SPTB: variants seen among roughly 807,000 people sequenced by gnomAD.
SPTB encodes spectrin beta chain, erythrocytic.
SPTB carries 45 observed loss-of-function variants against 256.2 expected under a neutral mutation model. That is an observed-to-expected ratio of 0.18 (90% CI 0.14 to 0.23). The LOEUF is 0.23. Among genes scored for constraint, SPTB ranks in the 10% least tolerant of loss-of-function variants. The pLI is 1.00. For synonymous variants in SPTB, 1,231 were observed against 1,243.1 expected (o/e 0.99, Z 0.21); for missense variants, 2,715 against 3,040.4 (o/e 0.89, Z 2.52).
At chr14:64,753,928 G>T in intron 32 of SPTB, 135 bp from the exon 33 acceptor site, 1 of 1,165,052 alleles carries the variant, frequency 8.6e-7, no homozygotes. Flanking sequence ...CCCACCTCCT[G>T]GCCCACCCTG....
chr14:64,794,535 T>C lies in SPTB; in HGVS notation c.1727A>G (p.Asp576Gly). ...CACTTTGTCCCCTTGGATGGCGATG[T>C]CAGCTTCCATCAACTTGTGCTTCTG... The part of the protein sequence containing the change: ...LLQKHKLMEA[D>G]IAIQGDKVKA... The change falls in exon 13 of 36, where the codon GAC becomes GGC. Residue 576 changes from aspartate to glycine, a missense_variant. Physicochemically the swap from Asp to Gly is moderately conservative, Grantham distance 94. This residue lies in a region of SPTB where 2,239 missense variants were observed against 2,384.4 expected (regional missense o/e 0.94). Coordinates refer to ENST00000644917, the MANE Select transcript of SPTB (RefSeq NM_001355436.2). 6.2e-7 allele frequency: 1 copy of C among 1,614,250 alleles called. No homozygotes were observed. The highest frequency in any genetic ancestry group is 8.5e-7 in the Non-Finnish European group (1 of 1,180,040).
At chr14:64,783,098 G>A (rs892834397) in intron 19 of SPTB, among the ~76,000 whole-genome samples, 9 of 152,138 alleles carry the variant, frequency 5.9e-5, no homozygotes, top group Admixed American at 1.3e-4. Context: ...GACCTCCTTC[G>A]GTTACTGAGG....
At position 64,749,779 on chromosome 14, in the gene SPTB, C is replaced by A. The variant is rs2081915519; in HGVS notation, c.6777-83G>T. ...AGGGCTGGCTCTGATCCCACAATACCCTGAGCCGAACATCCAGACCCCTCT... is the reference window on the plus strand; with the variant it reads ...AGGGCTGGCTCTGATCCCACAATACACTGAGCCGAACATCCAGACCCCTCT... On this transcript the variant is annotated intron_variant, in intron 34 of 35. Transcript: ENST00000644917. This position sits in a 1 kb window ranked among gnomAD's most constrained non-coding sequence, Gnocchi z 4.7. The A allele has an allele frequency of 1.3e-6, 2 of 1,559,246 alleles. No homozygotes were observed. Among genetic ancestry groups the A allele is most frequent in the East Asian group, 2.3e-5 (1 of 42,770 alleles).
intron 1 of SPTB, among the ~76,000 whole-genome samples, chr14:64,874,081 A>C (rs940622408): frequency 3.3e-5 from 5 of 152,178 alleles, no homozygotes; most frequent in African/African-American, 1.2e-4. Context: ...CCAGTGGCTC[A>C]AACTTCTTCA....
Position 64,754,034 on chromosome 14 carries a change from A to G in SPTB, c.6346-241T>C, listed in dbSNP as rs192446869. 55 of 617,788 alleles carry G rather than the reference A, an allele frequency of 8.9e-5. No homozygotes were observed. The African/African-American group carries it at 9.0e-4, about 10-fold the overall frequency. The allele number at this position is 617,788 out of a possible 1,614,324, so 38.3% of individuals were successfully genotyped here. A position where few individuals can be genotyped will look rare whatever the true frequency, so the allele number is the denominator to read the frequency against. On this transcript the variant is annotated intron_variant, in intron 32 of 35. Coordinates refer to ENST00000644917, the MANE Select transcript of SPTB (RefSeq NM_001355436.2). Reference sequence around the variant, plus strand: ...CCCCATTCTCCCTTCAGAGAGCTGCAGGGTGGCCCCCTCTCTCCAATGTAA... The same window carrying G: ...CCCCATTCTCCCTTCAGAGAGCTGCGGGGTGGCCCCCTCTCTCCAATGTAA...
At chr14:64,808,855 G>A (rs910286418) in intron 2 of SPTB, among the ~76,000 whole-genome samples, 2 of 152,100 alleles carry the variant, frequency 1.3e-5, no homozygotes, top group Non-Finnish European at 2.9e-5. Context: ...GGAAGAGAGA[G>A]GTCATTTCCA....
Position 64,786,757 on chromosome 14 carries a change from G to A in SPTB, c.3208C>T (p.Leu1070=). The part of the protein sequence containing the change: ...VSQLQAFLQD[L]DDFQAWLSIT... ...GAGAGCCAGGCCTGGAAGTCATCCAGATCCTGCAGGAAGGCCTGCAGCTGG... is the reference window on the plus strand; with the variant it reads ...GAGAGCCAGGCCTGGAAGTCATCCAAATCCTGCAGGAAGGCCTGCAGCTGG... Residue 1070 remains leucine (L), a synonymous_variant, in exon 16 of 36, where the codon CTG becomes TTG. Coordinates refer to ENST00000644917, the MANE Select transcript of SPTB (RefSeq NM_001355436.2). This position sits in a 1 kb window ranked among gnomAD's most constrained non-coding sequence, Gnocchi z 5.6. The A allele has an allele frequency of 6.2e-7, 1 of 1,614,100 alleles. No homozygotes were observed. The highest frequency in any genetic ancestry group is 8.5e-7 in the Non-Finnish European group (1 of 1,180,018).
In SPTB at chr14:64,764,480, G is replaced by A. The variant is rs1726531735; in HGVS notation, c.6345+2246C>T. 6.6e-6 allele frequency among the ~76,000 whole-genome samples: 1 copy of A among 152,230 alleles called. No individual in the cohort carries two copies. Among genetic ancestry groups the A allele is most frequent in the Non-Finnish European group, 1.5e-5 (1 of 68,040 alleles). On this transcript the variant is annotated intron_variant, in intron 32 of 35. Coordinates refer to ENST00000644917, the MANE Select transcript of SPTB (RefSeq NM_001355436.2). This position sits in a 1 kb window ranked among gnomAD's most constrained non-coding sequence, Gnocchi z 4.2. Reference sequence around the variant, plus strand: ...CACAAGCCAGTCTTCCCATCTGCTGGAGTGGCTGGCTCTCCGGAAAGGGTC... The same window carrying A: ...CACAAGCCAGTCTTCCCATCTGCTGAAGTGGCTGGCTCTCCGGAAAGGGTC...
intron 1 of SPTB, among the ~76,000 whole-genome samples, chr14:64,867,963 T>C (rs1423779929): frequency 6.8e-6 from 1 of 147,932 alleles, no homozygotes; most frequent in Non-Finnish European, 1.5e-5. Context: ...GGCAGGAAAA[T>C]GAGCCTGAAG....
rs1180860976 is a variant in SPTB at position 64,793,452 on chromosome 14, C to A, written c.2211G>T (p.Lys737Asn). Residue 737 changes from lysine to asparagine, a missense_variant, in exon 14 of 36, where the codon AAG (lysine) becomes AAT (asparagine). Physicochemically the swap from Lys to Asn is moderately conservative, Grantham distance 94. Transcript: ENST00000644917. This position sits in a 1 kb window ranked among gnomAD's most constrained non-coding sequence, Gnocchi z 7.0. ...AAAAGTTCTCAGCATCCTGGAGGTTCTTCTTGCAGAAGGCAGCCAGGTCCT... is the reference window on the plus strand; with the variant it reads ...AAAAGTTCTCAGCATCCTGGAGGTTATTCTTGCAGAAGGCAGCCAGGTCCT... Reference protein sequence around the residue: ...QLKDLAAFCKKNLQDAENFFQ... With the variant: ...QLKDLAAFCKNNLQDAENFFQ... 1 of 1,614,088 alleles carries A rather than the reference C, an allele frequency of 6.2e-7. No individual in the cohort carries two copies. The highest frequency in any genetic ancestry group is 1.3e-5 in the African/African-American group (1 of 75,064).
chr14:64,796,860 A>T lies in SPTB; in HGVS notation c.1183-145T>A, dbSNP rs2082779709. On this transcript the variant is annotated intron_variant, in intron 10 of 35. Transcript: ENST00000644917. The surrounding 1 kb of genome is among the most constrained non-coding windows in gnomAD (Gnocchi z 4.1). ...TGGGTGACGTGGTAGCAGATTAAAG[A>T]TCAATAAAAGCCTTTGGCTTTCATG... 1 of 1,079,728 alleles carries T rather than the reference A, an allele frequency of 9.3e-7. No individual in the cohort carries two copies. Among genetic ancestry groups the T allele is most frequent in the African/African-American group, 2.0e-5 (1 of 49,638 alleles). The allele number at this position is 1,079,728 out of a possible 1,614,324, so 66.9% of individuals were successfully genotyped here.
At chr14:64,855,783 G>A (rs192290649) in intron 1 of SPTB, among the ~76,000 whole-genome samples, 96 of 152,350 alleles carry the variant, frequency 6.3e-4, no homozygotes, top group Admixed American at 1.6e-3. Context: ...AGCAGGGGAG[G>A]TGTTCCAGGC....
chr14:64,869,612 A>AAT lies in SPTB; in HGVS notation c.-52+10179_-52+10180insAT, dbSNP rs1555378944. On this transcript the variant is annotated intron_variant, in intron 1 of 35. Transcript: ENST00000644917. ...GGTGTGAGCCACTGTGCTTGGTCAG[A>AAT]TTTTTTAAATTTTTTTTTTTTTTTT... Among the ~76,000 whole-genome samples, 4 of 135,338 alleles carry AAT rather than the reference A, an allele frequency of 3.0e-5. No homozygotes were observed. In the Admixed American group the frequency reaches 3.0e-4, roughly 10 times the overall value. 88.8% of individuals were successfully genotyped at this position (135,338 alleles called of 152,430 possible). A position where few individuals can be genotyped will look rare whatever the true frequency, so the allele number is the denominator to read the frequency against.
chr14:64,768,019 C>T (rs2082217905), intron 29 of SPTB, 160 bp from the exon 30 acceptor site: 2 of 758,714 alleles, frequency 2.6e-6, no homozygotes, highest in Non-Finnish European at 4.5e-6. Flanking sequence ...CCATTCCACA[C>T]TGGGCCCCTA....
intron 2 of SPTB, among the ~76,000 whole-genome samples, chr14:64,819,569 C>T (rs1201133386): frequency 6.6e-6 from 1 of 152,282 alleles, no homozygotes; most frequent in East Asian, 1.9e-4. Flanking sequence ...TGGCATGGGG[C>T]TTCATCTCAT....
chr14:64,852,573 T>C lies in SPTB; in HGVS notation c.-52+27219A>G, dbSNP rs1183637331. Among the ~76,000 whole-genome samples the C allele has an allele frequency of 1.3e-5, 2 of 152,156 alleles. No individual in the cohort carries two copies. The highest frequency in any genetic ancestry group is 2.9e-5 in the Non-Finnish European group (2 of 68,024). On this transcript the variant is annotated intron_variant, in intron 1 of 35. Transcript: ENST00000644917. This position sits in a 1 kb window ranked among gnomAD's most constrained non-coding sequence, Gnocchi z 4.2. ...AGACAAGAGACGGTGTGGGCAAGAC[T>C]CAGGACTTTGGTAGCCAAGATGGTG...
chr14:64,788,135 A>G (rs2082606236), intron 15 of SPTB, among the ~76,000 whole-genome samples: 2 of 152,192 alleles, frequency 1.3e-5, no homozygotes, highest in African/African-American at 4.8e-5. Context: ...AGAGAGGAGG[A>G]TTAAGGCAGC....
chr14:64,853,919 C>T lies in SPTB; in HGVS notation c.-52+25873G>A, dbSNP rs577647087. On this transcript the variant is annotated intron_variant, in intron 1 of 35. Coordinates refer to ENST00000644917, the MANE Select transcript of SPTB (RefSeq NM_001355436.2). The surrounding 1 kb of genome is among the most constrained non-coding windows in gnomAD (Gnocchi z 4.3). ...TTAGATACTTATCACTGGCCAGCCG[C>T]GGTGGCTCACGCCTGTAATCCCAGT... Among the ~76,000 whole-genome samples, 1 of 152,254 alleles carries T rather than the reference C, an allele frequency of 6.6e-6. No homozygotes were observed. The highest frequency in any genetic ancestry group is 1.5e-5 in the Non-Finnish European group (1 of 68,030).
chr14:64,866,390 T>C lies in SPTB; in HGVS notation c.-52+13402A>G, dbSNP rs1003393726. 6.6e-6 allele frequency among the ~76,000 whole-genome samples: 1 copy of C among 152,134 alleles called. No homozygotes were observed. Among genetic ancestry groups the C allele is most frequent in the Non-Finnish European group, 1.5e-5 (1 of 68,012 alleles). On this transcript the variant is annotated intron_variant, in intron 1 of 35. Coordinates refer to ENST00000644917, the MANE Select transcript of SPTB (RefSeq NM_001355436.2). This position sits in a 1 kb window ranked among gnomAD's most constrained non-coding sequence, Gnocchi z 4.6. ...GTTCCTCTGTCTCGCTGCCCTCAGGTCCCTCTCACAAGGCCTAACTTTGTC... is the reference window on the plus strand; with the variant it reads ...GTTCCTCTGTCTCGCTGCCCTCAGGCCCCTCTCACAAGGCCTAACTTTGTC...
Sources: allele counts gnomAD v4.1 joint callset (sites outside exome capture counted in the v4.1 genomes callset), GRCh38; gene constraint gnomAD v4.1.1; regional missense constraint gnomAD v4.1.1; non-coding constraint Gnocchi (gnomAD v3.1); transcripts MANE v1.5; gene names NCBI Gene and HGNC (gene_info 2026-07-23, HGNC 2026-07-21).